PPIP5K2: variants seen among roughly 807,000 people sequenced by gnomAD.
The protein encoded by PPIP5K2 is diphosphoinositol pentakisphosphate kinase 2.
A neutral mutation model predicts 154.6 loss-of-function variants in PPIP5K2; 105 were observed. That is an observed-to-expected ratio of 0.68 (90% CI 0.58 to 0.80). PPIP5K2 has a LOEUF of 0.80. Ranked by LOEUF, PPIP5K2 falls within the 30% of genes least tolerant of loss-of-function variation. The probability of loss-of-function intolerance (pLI) is 0.00; values close to 1 mark genes in which losing one functional copy is unlikely to be tolerated. For missense variants in PPIP5K2, 992 were observed against 1,504.6 expected, an observed-to-expected ratio of 0.66 and a Z score of 5.64; for synonymous variants, 480 against 490.3, an observed-to-expected ratio of 0.98 and a Z score of 0.28.
intron 7 of PPIP5K2, chr5:103,148,317 A>AT (rs1794068907): frequency 2.6e-6 from 1 of 382,372 alleles, no homozygotes; most frequent in Non-Finnish European, 4.9e-6. Flanking sequence ...GTTACACATA[A>AT]TATGTCTTTA....
intron 6 of PPIP5K2, 108 bp from the exon 7 acceptor site, chr5:103,147,823 A>G: frequency 2.9e-6 from 2 of 681,656 alleles, no homozygotes; most frequent in Non-Finnish European, 4.9e-6. Flanking sequence ...AATGTATTTG[A>G]AAATGTCTAA....
At chr5:103,198,808 G>A (rs1006952527) in intron 30 of PPIP5K2, among the ~76,000 whole-genome samples, 3 of 152,082 alleles carry the variant, frequency 2.0e-5, no homozygotes, top group East Asian at 3.8e-4. Context: ...GTTGAGGTTA[G>A]TCTACTACTT....
At chr5:103,126,275 G>A (rs1171835504) in intron 1 of PPIP5K2, among the ~76,000 whole-genome samples, 1 of 152,038 alleles carries the variant, frequency 6.6e-6, no homozygotes, top group African/African-American at 2.4e-5. Context: ...AATCAAATGA[G>A]GGACATATAT....
chr5:103,169,442 T>C (rs1265050854), intron 19 of PPIP5K2, among the ~76,000 whole-genome samples: 4 of 151,774 alleles, frequency 2.6e-5, no homozygotes, highest in Non-Finnish European at 4.4e-5. Flanking sequence ...AAAATAACTG[T>C]CCCTTTCCTA....
intron 19 of PPIP5K2, among the ~76,000 whole-genome samples, chr5:103,171,250 C>T (rs868913669): frequency 6.6e-6 from 1 of 151,356 alleles, no homozygotes; most frequent in South Asian, 2.1e-4. Flanking sequence ...AAAAATGATG[C>T]TTTATAGCCA....
chr5:103,189,154 G>T (rs1051435270), intron 28 of PPIP5K2: 1 of 1,517,918 alleles, frequency 6.6e-7, no homozygotes, highest in Non-Finnish European at 8.8e-7. Flanking sequence ...TTATTTTCTG[G>T]GCCTCTGTGC....
At chr5:103,142,166 C>G (rs1310596542) in intron 5 of PPIP5K2, among the ~76,000 whole-genome samples, 2 of 152,228 alleles carry the variant, frequency 1.3e-5, no homozygotes, top group East Asian at 3.9e-4. Context: ...CTGCAGGTCC[C>G]GAGCCCTGCC....
At chr5:103,186,234 G>T (rs1326484217) in intron 26 of PPIP5K2, 86 bp from the exon 27 acceptor site, 3 of 1,559,472 alleles carry the variant, frequency 1.9e-6, no homozygotes, top group Non-Finnish European at 2.6e-6. Context: ...TATGTGGTAA[G>T]AGCCATGTTA....
chr5:103,140,876 G>A (rs1013238525), intron 5 of PPIP5K2, among the ~76,000 whole-genome samples: 2 of 149,766 alleles, frequency 1.3e-5, no homozygotes, highest in Non-Finnish European at 3.0e-5. Flanking sequence ...CAAACATGAA[G>A]ACATAATATA....
chr5:103,184,810 A>C (rs1444308985), intron 26 of PPIP5K2, 66 bp downstream of exon 26: 2 of 1,281,648 alleles, frequency 1.6e-6, no homozygotes, highest in East Asian at 4.8e-5. Flanking sequence ...ACACATGTAA[A>C]ACTCTTTGGT....
In PPIP5K2 at chr5:103,205,238, T is replaced by C. The variant is rs1249720923; in HGVS notation, c.*3604T>C. On this transcript the variant is annotated 3_prime_UTR_variant, in exon 31 of 31. Transcript: ENST00000358359. ...TGTGCCACATTTTCTTAATCCAGTC[T>C]ATCATTGATGGACATCTGGGTTGGT... 1.3e-5 allele frequency: 2 copies of C among 152,264 alleles called. No homozygotes were observed. Among genetic ancestry groups the C allele is most frequent in the Non-Finnish European group, 2.9e-5 (2 of 68,062 alleles). 9.4% of individuals were successfully genotyped at this position (152,264 alleles called of 1,614,324 possible). A position where few individuals can be genotyped will look rare whatever the true frequency, so the allele number is the denominator to read the frequency against.
At chr5:103,196,513 A>G (rs1276973757) in intron 30 of PPIP5K2, among the ~76,000 whole-genome samples, 1 of 152,164 alleles carries the variant, frequency 6.6e-6, no homozygotes, top group Non-Finnish European at 1.5e-5. Flanking sequence ...TTTTCTATTA[A>G]TTCTCATAGT....
At chr5:103,137,950 A>G (rs1791831151) in intron 4 of PPIP5K2, among the ~76,000 whole-genome samples, 1 of 152,190 alleles carries the variant, frequency 6.6e-6, no homozygotes, top group South Asian at 2.1e-4. Flanking sequence ...ATAGAAAACA[A>G]TACATACATA....
intron 1 of PPIP5K2, among the ~76,000 whole-genome samples, chr5:103,121,827 TG>T (rs1441463026): frequency 6.6e-6 from 1 of 152,228 alleles, no homozygotes; most frequent in African/African-American, 2.4e-5. Context: ...ACTGAACAAT[TG>T]GTAGAACATC....
At chr5:103,189,825 G>T (rs1800948085) in intron 28 of PPIP5K2, among the ~76,000 whole-genome samples, 1 of 151,992 alleles carries the variant, frequency 6.6e-6, no homozygotes. Context: ...TTAAAAATGA[G>T]CACACGCCTA....
In PPIP5K2 at chr5:103,183,274, G is replaced by A. The variant is rs1554223674; in HGVS notation, c.2963G>A (p.Gly988Asp). ...PLSVSSPEGT[G>D]TWLHYTSGVG... ...AGTGTGTCTAGCCCAGAGGGTACTG[G>A]TACCTGGCTGCATTATACCAGTGGT... The change falls in exon 25 of 31, where the codon GGT becomes GAT. Residue 988 changes from glycine to aspartate, a missense_variant. Physicochemically the swap from Gly to Asp is moderately conservative, Grantham distance 94. Around this residue, in one of 9 missense-constraint regions of PPIP5K2, gnomAD observed 204 missense variants for 224.0 expected, o/e 0.91. Coordinates refer to ENST00000358359, the MANE Select transcript of PPIP5K2 (RefSeq NM_001276277.3). The A allele has an allele frequency of 6.6e-7, 1 of 1,516,720 alleles. No individual in the cohort carries two copies. The highest frequency in any genetic ancestry group is 1.2e-5 in the South Asian group (1 of 86,152). The allele number at this position is 1,516,720 out of a possible 1,614,324, so 94.0% of individuals were successfully genotyped here.
At position 103,187,323 on chromosome 5, in the gene PPIP5K2, G is replaced by A. The variant is rs1554225474; in HGVS notation, c.3299G>A (p.Arg1100His). Residue 1100 changes from arginine to histidine, a missense_variant, in exon 28 of 31, where the codon CGC becomes CAC. Physicochemically the swap from Arg to His is conservative, Grantham distance 29. Coordinates refer to ENST00000358359, the MANE Select transcript of PPIP5K2 (RefSeq NM_001276277.3). ...TTTTTCTCTTTCTTAGACGCCACACGCGGTTCTGCTGTTAAAAGGTTTTCT... is the reference window on the plus strand; with the variant it reads ...TTTTTCTCTTTCTTAGACGCCACACACGGTTCTGCTGTTAAAAGGTTTTCT... ...TSSGCIDDAT[R>H]GSAVKRFSIS... 1.1e-5 allele frequency: 17 copies of A among 1,534,586 alleles called. No homozygotes were observed. Among genetic ancestry groups the A allele is most frequent in the East Asian group, 2.4e-5 (1 of 40,878 alleles).
chr5:103,123,200 T>C (rs1213345520), intron 1 of PPIP5K2, among the ~76,000 whole-genome samples: 1 of 152,252 alleles, frequency 6.6e-6, no homozygotes, highest in African/African-American at 2.4e-5. Flanking sequence ...CTATTTGCTG[T>C]GGCATCTGTA....
At chr5:103,172,055 A>G (rs2149696730) in intron 19 of PPIP5K2, among the ~76,000 whole-genome samples, 1 of 151,762 alleles carries the variant, frequency 6.6e-6, no homozygotes, top group Middle Eastern at 3.4e-3. Context: ...AGAAATCTTT[A>G]ATCAGTTTTT....
Sources: gnomAD v4.1 joint callset for allele counts (sites outside exome capture counted in the v4.1 genomes callset) on GRCh38, gnomAD v4.1.1 for gene constraint, gnomAD v4.1.1 regional missense constraint, MANE v1.5 for transcripts, NCBI Gene and HGNC (gene_info 2026-07-23, HGNC 2026-07-21) for gene names.